The following PROX1 variants were observed in gnomAD, a reference collection of about 807,000 sequenced individuals.
PROX1 encodes the protein prospero homeobox 1, also known as prospero homeobox protein 1.
Under a neutral mutation model 58.8 loss-of-function variants are expected in PROX1, and 7 were observed. That is an observed-to-expected ratio of 0.12 (90% CI 0.07 to 0.22). The LOEUF (loss-of-function observed/expected upper bound fraction) is 0.22, where lower values mean the gene tolerates loss of function less well. PROX1 is among the 10% of genes least tolerant of loss of function. The pLI, the probability that PROX1 is intolerant of heterozygous loss-of-function variation, is 1.00. For missense variants in PROX1, 675 were observed against 927.8 expected, an observed-to-expected ratio of 0.73 and a Z score of 3.54; for synonymous variants, 350 against 358.3, an observed-to-expected ratio of 0.98 and a Z score of 0.26.
At position 213,998,111 on chromosome 1, in the gene PROX1, A is replaced by G; in HGVS notation, c.1576A>G (p.Thr526Ala). The G allele has an allele frequency of 6.2e-7, 1 of 1,614,156 alleles. No homozygotes were observed. The highest frequency in any genetic ancestry group is 8.5e-7 in the Non-Finnish European group (1 of 1,180,034). ...DLTRDTTSLR[T>A]KMSSHHLSHH... The stretch of plus-strand genomic sequence containing the variant: ...AACTAGGGATACCACGAGTCTGAGG[A>G]CCAAGATGTCATCTCACCACCTGAG... Residue 526 changes from threonine (T) to alanine (A), a missense_variant, in exon 2 of 5, where the codon ACC becomes GCC. This residue lies in a region of PROX1 where 403 missense variants were observed against 477.4 expected (regional missense o/e 0.84). Transcript: ENST00000366958.
rs530967332 is a variant in PROX1, at chr1:214,010,835, C to G, written c.1834-686C>G. 2.0e-5 allele frequency among the ~76,000 whole-genome samples: 3 copies of G among 152,238 alleles called. No individual in the cohort carries two copies. The East Asian group carries it at 5.8e-4, about 29-fold the overall frequency. On this transcript the variant is annotated intron_variant, in intron 3 of 4. Coordinates refer to ENST00000366958, the MANE Select transcript of PROX1 (RefSeq NM_001270616.2). ...CCATGCCTCCCAAATGGCAGAGATA[C>G]CAAGGGAGGGGGACATGGGTCTTAT... is the stretch of plus-strand genomic sequence containing the variant.
At chr1:213,990,592 C>T (rs1325443360) in intron 1 of PROX1, among the ~76,000 whole-genome samples, 1 of 151,430 alleles carries the variant, frequency 6.6e-6, no homozygotes, top group Non-Finnish European at 1.5e-5. Context: ...TCCTTTGCTT[C>T]CTACCAGTTT....
chr1:214,028,556 C>T (rs1345700509), intron 4 of PROX1, among the ~76,000 whole-genome samples: 3 of 152,248 alleles, frequency 2.0e-5, no homozygotes, highest in African/African-American at 7.2e-5. Context: ...CAAAACGATG[C>T]TTTGCAGACA....
At chr1:214,016,582 C>A (rs1386554207) in intron 4 of PROX1, among the ~76,000 whole-genome samples, 1 of 152,144 alleles carries the variant, frequency 6.6e-6, no homozygotes, top group Non-Finnish European at 1.5e-5. Context: ...TCTTCCCTTG[C>A]CAGTCCCACC....
chr1:213,999,979 C>A (rs1264635828), intron 2 of PROX1, among the ~76,000 whole-genome samples: 3 of 152,214 alleles, frequency 2.0e-5, no homozygotes, highest in Middle Eastern at 3.4e-3. Context: ...CCCCAGAGAT[C>A]TCTTAACTTC....
chr1:214,024,966 T>C (rs1664403090), intron 4 of PROX1, among the ~76,000 whole-genome samples: 1 of 152,360 alleles, frequency 6.6e-6, no homozygotes, highest in African/African-American at 2.4e-5. Flanking sequence ...TTTACGGGGC[T>C]GACTTAAAGG....
intron 4 of PROX1, among the ~76,000 whole-genome samples, chr1:214,027,566 AT>A (rs1664502664): frequency 6.6e-6 from 1 of 152,150 alleles, no homozygotes; most frequent in Non-Finnish European, 1.5e-5. Flanking sequence ...AGCCAAGTCA[AT>A]TCTAAACCAG....
chr1:214,035,176 GATTTTCTTC>G (rs1664788497), intron 4 of PROX1, among the ~76,000 whole-genome samples: 1 of 152,072 alleles, frequency 6.6e-6, no homozygotes, highest in South Asian at 2.1e-4. Context: ...GATTTTAGAA[GATTTTCTTC>G]ATTTAAAGCT....
At chr1:214,019,528 G>A (rs761621931) in intron 4 of PROX1, among the ~76,000 whole-genome samples, 46 of 152,138 alleles carry the variant, frequency 3.0e-4, no homozygotes, top group Non-Finnish European at 5.4e-4. Flanking sequence ...CCTCACCTTC[G>A]GATTTAAGAT....
chr1:213,992,602 A>G (rs543930546), intron 1 of PROX1, among the ~76,000 whole-genome samples: 1 of 152,308 alleles, frequency 6.6e-6, no homozygotes, highest in South Asian at 2.1e-4. Context: ...ATTTTCTAAA[A>G]GAAGTCAAGT....
chr1:214,005,306 T>C, intron 3 of PROX1, 34 bp downstream of exon 3: 1 of 1,523,572 alleles, frequency 6.6e-7, no homozygotes, highest in Non-Finnish European at 9.1e-7. Context: ...TTTTTTCATT[T>C]TCTATGCATG....
At chr1:214,000,765 G>C (rs2102705000) in intron 2 of PROX1, among the ~76,000 whole-genome samples, 1 of 152,286 alleles carries the variant, frequency 6.6e-6, no homozygotes, top group South Asian at 2.1e-4. Flanking sequence ...TTGGTTTGTA[G>C]AGAGATTGGG....
At chr1:213,984,432 G>A (rs1473239172), upstream of PROX1, 1 of 152,166 alleles carries the variant, frequency 6.6e-6, no homozygotes, top group Non-Finnish European at 1.5e-5. Context: ...TGGAGTGATT[G>A]GCTTCTGTTT....
Position 213,998,190 on chromosome 1 carries a change from T to C in PROX1, c.1655T>C (p.Leu552Ser), listed in dbSNP as rs1205835029. The C allele has an allele frequency of 1.9e-6, 3 of 1,612,452 alleles. No homozygotes were observed. The highest frequency in any genetic ancestry group is 2.5e-6 in the Non-Finnish European group (3 of 1,179,274). Residue 552 changes from leucine (L) to serine (S), a missense_variant, in exon 2 of 5, where the codon TTG becomes TCG. Physicochemically the swap from Leu to Ser is moderately radical, Grantham distance 145 (BLOSUM62 -2). This residue lies in a region of PROX1 where 403 missense variants were observed against 477.4 expected (regional missense o/e 0.84). Transcript: ENST00000366958. ...HPPSTAEGLS[L>S]SLIKSECGDL... ...CCCAGCACCGCCGAAGGGCTCTCCT[T>C]GTCGCTCATAAAGTCCGAGTGCGGC...
rs114967951 is a variant in PROX1 at position 214,011,789 on chromosome 1, C to A, written c.2028+74C>A. 1,879 of 1,304,584 alleles carry A rather than the reference C, an allele frequency of 1.4e-3. 30 individuals carry two copies. The African/African-American group carries it at 0.025, about 18-fold the overall frequency. The allele number at this position is 1,304,584 out of a possible 1,614,324, so 80.8% of individuals were successfully genotyped here. Reference sequence around the variant, plus strand: ...AAAATTTATTTTCTTTAGAAATGTACCCAAATCTGTTTTTGTGTTGGTTTC... The same window carrying A: ...AAAATTTATTTTCTTTAGAAATGTAACCAAATCTGTTTTTGTGTTGGTTTC... On this transcript the variant is annotated intron_variant, in intron 4 of 4. Transcript: ENST00000366958.
chr1:214,038,564 C>T lies in PROX1; in HGVS notation c.*2730C>T, dbSNP rs1664903744. The T allele has an allele frequency of 6.6e-6, 1 of 152,124 alleles. No homozygotes were observed. 9.4% of individuals were successfully genotyped at this position (152,124 alleles called of 1,614,324 possible). On this transcript the variant is annotated 3_prime_UTR_variant, in exon 5 of 5. Transcript: ENST00000366958. ...TCCATGTTGAAAAACCACACTACCA[C>T]TTATTTTCTGCTAACCCTAAATTAT...
chr1:214,008,425 AC>A (rs200858131), intron 3 of PROX1, among the ~76,000 whole-genome samples: 3,658 of 150,970 alleles, frequency 0.024, 141 homozygotes, highest in African/African-American at 0.08. Context: ...AACAACAACA[AC>A]AAAAAAAACC....
rs530434364 is a variant in PROX1, at chr1:214,016,509, G to A, written c.2028+4794G>A. 1.9e-3 allele frequency among the ~76,000 whole-genome samples: 294 copies of A among 152,252 alleles called. 1 individual carries two copies. Among genetic ancestry groups the A allele is most frequent in the South Asian group, 1.7e-3 (8 of 4,810 alleles). ...CTTTTGGCCTCAAAGCTGCTGAGCC[G>A]TTTAAATAATCGCATAACACACTCT... On this transcript the variant is annotated intron_variant, in intron 4 of 4. Coordinates refer to ENST00000366958, the MANE Select transcript of PROX1 (RefSeq NM_001270616.2).
At chr1:214,006,820 C>T (rs1446051715) in intron 3 of PROX1, among the ~76,000 whole-genome samples, 5 of 152,022 alleles carry the variant, frequency 3.3e-5, no homozygotes, top group Non-Finnish European at 7.4e-5. Flanking sequence ...TTACTCATTC[C>T]TTTTAGGGCA....
Sources: gnomAD v4.1 joint callset for allele counts (sites outside exome capture counted in the v4.1 genomes callset) on GRCh38, gnomAD v4.1.1 for gene constraint, gnomAD v4.1.1 regional missense constraint, MANE v1.5 for transcripts, NCBI Gene and HGNC (gene_info 2026-07-23, HGNC 2026-07-21) for gene names.